C1orf21: variants seen among roughly 807,000 people sequenced by gnomAD.
C1orf21 encodes chromosome 1 open reading frame 21, also known as uncharacterized protein C1orf21.
C1orf21 carries 3 observed loss-of-function variants against 18.7 expected under a neutral mutation model. That is an observed-to-expected ratio of 0.16 (90% CI 0.07 to 0.42). The LOEUF is 0.42. Among genes scored for constraint, C1orf21 ranks in the 10% least tolerant of loss-of-function variants. C1orf21 has a pLI of 0.99. For missense variants in C1orf21, 104 were observed against 143.6 expected, an observed-to-expected ratio of 0.72 and a Z score of 1.41; for synonymous variants, 41 against 46.4, an observed-to-expected ratio of 0.88 and a Z score of 0.47.
At chr1:184,609,343 T>C (rs552018326) in intron 5 of C1orf21, among the ~76,000 whole-genome samples, 11 of 152,276 alleles carry the variant, frequency 7.2e-5, no homozygotes, top group Admixed American at 3.3e-4. Context: ...AAAACTGTAA[T>C]GAAAGGAGAT....
chr1:184,415,321 C>T (rs1047023321), intron 1 of C1orf21, among the ~76,000 whole-genome samples: 2 of 152,204 alleles, frequency 1.3e-5, no homozygotes, highest in African/African-American at 2.4e-5. Flanking sequence ...TCTTTTGACT[C>T]CTTACTCGGT....
intron 1 of C1orf21, among the ~76,000 whole-genome samples, chr1:184,415,281 A>T (rs969145395): frequency 1.3e-5 from 2 of 152,230 alleles, no homozygotes; most frequent in African/African-American, 2.4e-5. Context: ...ATGTGACAGT[A>T]AAAAATCACT....
intron 1 of C1orf21, among the ~76,000 whole-genome samples, chr1:184,409,214 T>G (rs569307134): frequency 6.6e-6 from 1 of 152,348 alleles, no homozygotes; most frequent in Non-Finnish European, 1.5e-5. Context: ...CTGGTCTAGA[T>G]GAGTCACAGC....
At chr1:184,514,865 A>G (rs1658199987) in intron 3 of C1orf21, among the ~76,000 whole-genome samples, 1 of 152,216 alleles carries the variant, frequency 6.6e-6, no homozygotes, top group Non-Finnish European at 1.5e-5. Context: ...GCATGATGCC[A>G]TTTAAGGTTT....
intron 3 of C1orf21, among the ~76,000 whole-genome samples, chr1:184,580,771 G>A (rs1175020041): frequency 6.6e-6 from 1 of 152,196 alleles, no homozygotes; most frequent in East Asian, 1.9e-4. Flanking sequence ...TTTTCAAACT[G>A]ATATCTTATC....
Position 184,592,888 on chromosome 1 carries a change from G to A in C1orf21, c.266+2073G>A, listed in dbSNP as rs1432816400. On this transcript the variant is annotated intron_variant, in intron 4 of 5. Coordinates refer to ENST00000235307, the MANE Select transcript of C1orf21 (RefSeq NM_030806.4). ...TTTACTTTCAAAGAAAACTGGACAT[G>A]TTAAAATCCACTTACCATTTACAAT... Among the ~76,000 whole-genome samples, 4 of 152,178 alleles carry A rather than the reference G, an allele frequency of 2.6e-5. No homozygotes were observed. The East Asian group carries it at 5.8e-4, about 22-fold the overall frequency.
At chr1:184,493,606 C>T (rs1657848526) in intron 2 of C1orf21, among the ~76,000 whole-genome samples, 1 of 152,158 alleles carries the variant, frequency 6.6e-6, no homozygotes, top group Admixed American at 6.5e-5. Flanking sequence ...TGATTTTGAT[C>T]TATAACCAAA....
chr1:184,509,869 G>A (rs912772478), intron 3 of C1orf21, among the ~76,000 whole-genome samples: 2 of 152,162 alleles, frequency 1.3e-5, no homozygotes, highest in African/African-American at 4.8e-5. Context: ...TGATGGTGAG[G>A]ACTTAGGGTT....
At chr1:184,584,707 G>A (rs1456558482) in intron 3 of C1orf21, among the ~76,000 whole-genome samples, 3 of 152,166 alleles carry the variant, frequency 2.0e-5, no homozygotes, top group Non-Finnish European at 2.9e-5. Flanking sequence ...AAAATGTGGT[G>A]TATCCATACA....
rs151044358 is a variant in C1orf21, at chr1:184,462,563, C to G, written c.-124-14823C>G. Among the ~76,000 whole-genome samples the G allele has an allele frequency of 7.2e-3, 1,100 of 152,110 alleles. 16 individuals are homozygous for G. The highest frequency in any genetic ancestry group is 0.025 in the African/African-American group (1,041 of 41,472). ...ACATTCTGTTGCTAGGTTACTGAAC[C>G]CTGAATTACTGAACCTTGAACACAG... On this transcript the variant is annotated intron_variant, in intron 1 of 5. Transcript: ENST00000235307.
At chr1:184,443,919 T>A (rs1656989855) in intron 1 of C1orf21, among the ~76,000 whole-genome samples, 1 of 152,138 alleles carries the variant, frequency 6.6e-6, no homozygotes, top group African/African-American at 2.4e-5. Flanking sequence ...AGGGGGTATA[T>A]GAGGGCAGTG....
At chr1:184,596,973 A>G (rs575673271) in intron 4 of C1orf21, among the ~76,000 whole-genome samples, 10 of 152,202 alleles carry the variant, frequency 6.6e-5, no homozygotes, top group Non-Finnish European at 1.0e-4. Flanking sequence ...TTTGCATCCA[A>G]CGTGGCTCAA....
intron 1 of C1orf21, among the ~76,000 whole-genome samples, chr1:184,457,572 G>A (rs1167641523): frequency 6.6e-6 from 1 of 152,140 alleles, no homozygotes; most frequent in East Asian, 1.9e-4. Context: ...CACTGGTTTT[G>A]GGGCTCAGTC....
chr1:184,456,999 G>A (rs1346223972), intron 1 of C1orf21, among the ~76,000 whole-genome samples: 1 of 152,154 alleles, frequency 6.6e-6, no homozygotes, highest in Non-Finnish European at 1.5e-5. Flanking sequence ...GCAGAAGAAT[G>A]TATCTGGGGC....
intron 1 of C1orf21, among the ~76,000 whole-genome samples, chr1:184,430,602 G>A (rs575431644): frequency 9.2e-5 from 14 of 152,236 alleles, no homozygotes; most frequent in African/African-American, 3.1e-4. Context: ...TTTCTTATCT[G>A]ATAAGTTAGC....
intron 1 of C1orf21, among the ~76,000 whole-genome samples, chr1:184,400,792 C>A (rs1392751223): frequency 1.3e-5 from 2 of 152,070 alleles, no homozygotes; most frequent in Non-Finnish European, 2.9e-5. Context: ...AACAGTGGTG[C>A]AATAAACAGC....
At chr1:184,459,549 G>A (rs1657270396) in intron 1 of C1orf21, among the ~76,000 whole-genome samples, 1 of 152,160 alleles carries the variant, frequency 6.6e-6, no homozygotes, top group African/African-American at 2.4e-5. Context: ...TCCCAAAGCT[G>A]GCTGAGAATT....
At chr1:184,512,817 G>A (rs570925346) in intron 3 of C1orf21, among the ~76,000 whole-genome samples, 31 of 152,226 alleles carry the variant, frequency 2.0e-4, no homozygotes, top group East Asian at 1.2e-3. Context: ...AGTACCAGTC[G>A]GTGGCCTGTT....
At chr1:184,401,990 C>A (rs188324779) in intron 1 of C1orf21, among the ~76,000 whole-genome samples, 2 of 152,018 alleles carry the variant, frequency 1.3e-5, no homozygotes, top group East Asian at 3.9e-4. Context: ...ATCATAAATG[C>A]TTGATCTGTA....
Sources: gnomAD v4.1 joint callset for allele counts (sites outside exome capture counted in the v4.1 genomes callset) on GRCh38, gnomAD v4.1.1 for gene constraint, MANE v1.5 for transcripts, NCBI Gene and HGNC (gene_info 2026-07-23, HGNC 2026-07-21) for gene names.